Variants in SLC5A9 observed in about 807,000 individuals in gnomAD.
SLC5A9 encodes solute carrier family 5 member 9.
In SLC5A9, 59 loss-of-function variants were observed where a neutral mutation model predicts 70.9. The ratio of observed to expected loss-of-function variants is 0.83; its 90% CI spans 0.68 to 1.03. The LOEUF (loss-of-function observed/expected upper bound fraction) is 1.03. Ranked by LOEUF, SLC5A9 falls within the 50% of genes least tolerant of loss-of-function variation. The pLI, the probability that SLC5A9 is intolerant of heterozygous loss-of-function variation, is 0.00. For synonymous variants in SLC5A9, 340 were observed against 346.5 expected (o/e 0.98, Z 0.21); for missense variants, 832 against 881.1 (o/e 0.94, Z 0.71).
intron 2 of SLC5A9, among the ~76,000 whole-genome samples, chr1:48,227,513 A>G: frequency 9.4e-6 from 1 of 106,374 alleles, no homozygotes; most frequent in African/African-American, 3.7e-5. Context: ...GAGTGTGTGT[A>G]ATTGCATGAG....
At chr1:48,238,736 T>G (rs935111000) in intron 11 of SLC5A9, among the ~76,000 whole-genome samples, 1 of 152,156 alleles carries the variant, frequency 6.6e-6, no homozygotes, top group Non-Finnish European at 1.5e-5. Context: ...ATTCCAAAGT[T>G]TTTGAAATCA....
At chr1:48,245,661 A>G (rs905985376) in intron 13 of SLC5A9, among the ~76,000 whole-genome samples, 1 of 152,198 alleles carries the variant, frequency 6.6e-6, no homozygotes, top group Non-Finnish European at 1.5e-5. Context: ...TGAAAAGAAA[A>G]GTTAAAAATA....
At chr1:48,236,477 G>T (rs1199700263) in intron 10 of SLC5A9, among the ~76,000 whole-genome samples, 1 of 152,214 alleles carries the variant, frequency 6.6e-6, no homozygotes, top group South Asian at 2.1e-4. Flanking sequence ...TAAGGAATTC[G>T]AACTTTATCT....
intron 13 of SLC5A9, among the ~76,000 whole-genome samples, chr1:48,244,055 T>C (rs1181658187): frequency 6.6e-6 from 1 of 152,228 alleles, no homozygotes; most frequent in Non-Finnish European, 1.5e-5. Context: ...TGGTATGTCA[T>C]TGTTTATAAC....
Position 48,235,802 on chromosome 1 carries a change from C to T in SLC5A9, c.1215C>T (p.Ser405=). ...CACTCACCTCCATCTTCAACAGCAG[C>T]AGCACCCTGTTCACCATTGATGTGT... ...MSSLTSIFNS[S]STLFTIDVWQ... Residue 405 remains serine (S), a synonymous_variant, in exon 10 of 14, where the codon AGC becomes AGT. Coordinates refer to ENST00000438567, the MANE Select transcript of SLC5A9 (RefSeq NM_001011547.3). 2 of 1,614,240 alleles carry T rather than the reference C, an allele frequency of 1.2e-6. No homozygotes were observed. Among genetic ancestry groups the T allele is most frequent in the Non-Finnish European group, 1.7e-6 (2 of 1,180,040 alleles).
chr1:48,243,767 A>AATAT (rs1294285813), intron 13 of SLC5A9, among the ~76,000 whole-genome samples: 1 of 152,172 alleles, frequency 6.6e-6, no homozygotes, highest in Non-Finnish European at 1.5e-5. Context: ...TAAATAAATA[A>AATAT]ATAAATAAAT....
chr1:48,239,404 G>A lies in SLC5A9; in HGVS notation c.1544G>A (p.Cys515Tyr), dbSNP rs767455044. The A allele has an allele frequency of 6.2e-7, 1 of 1,614,202 alleles. No individual in the cohort carries two copies. The highest frequency in any genetic ancestry group is 8.5e-7 in the Non-Finnish European group (1 of 1,180,032). The change falls in exon 12 of 14, where the codon TGT becomes TAT. Residue 515 changes from cysteine to tyrosine, a missense_variant. Physicochemically the swap from Cys to Tyr is radical, Grantham distance 194. Coordinates refer to ENST00000438567, the MANE Select transcript of SLC5A9 (RefSeq NM_001011547.3). The surrounding 1 kb of genome is among the most constrained non-coding windows in gnomAD (Gnocchi z 4.2). ...GAGTTCTCATACCCAGCGCCAGCCTGTGGGGAGGTGGACCGGAGGCCAGCA... is the reference window on the plus strand; with the variant it reads ...GAGTTCTCATACCCAGCGCCAGCCTATGGGGAGGTGGACCGGAGGCCAGCA... Reference protein sequence around the residue: ...ILEFSYPAPACGEVDRRPAVL... With the variant: ...ILEFSYPAPAYGEVDRRPAVL...
At chr1:48,227,180 T>TGA (rs201239477) in intron 2 of SLC5A9, among the ~76,000 whole-genome samples, 61,812 of 144,264 alleles carry the variant, frequency 0.43, 14,498 homozygotes, top group East Asian at 0.65. Context: ...TGTGTGCGTG[T>TGA]GTGTGTGTAC....
Position 48,247,807 on chromosome 1 carries a change from A to G in SLC5A9, c.*264A>G. ...CTCTTTCTGATATATTGCCTTACAG[A>G]CCTACCTCAAACACACTGTTTCCAC... is the stretch of plus-strand genomic sequence containing the variant. On this transcript the variant is annotated 3_prime_UTR_variant, in exon 14 of 14. Coordinates refer to ENST00000438567, the MANE Select transcript of SLC5A9 (RefSeq NM_001011547.3). 1.9e-6 allele frequency: 1 copy of G among 527,628 alleles called. No homozygotes were observed. Among genetic ancestry groups the G allele is most frequent in the South Asian group, 2.4e-5 (1 of 42,174 alleles). 32.7% of individuals were successfully genotyped at this position (527,628 alleles called of 1,614,324 possible). A position where few individuals can be genotyped will look rare whatever the true frequency, so the allele number is the denominator to read the frequency against.
At chr1:48,229,158 G>C (rs1407594917) in intron 3 of SLC5A9, 137 bp from the exon 4 acceptor site, 2 of 1,613,942 alleles carry the variant, frequency 1.2e-6, no homozygotes, top group South Asian at 1.1e-5. Flanking sequence ...TCACACGGGA[G>C]GACTGGGGTC....
In SLC5A9 at chr1:48,235,862, G is replaced by T; in HGVS notation, c.1275G>T (p.Glu425Asp). 6.2e-7 allele frequency: 1 copy of T among 1,614,184 alleles called. No individual in the cohort carries two copies. Among genetic ancestry groups the T allele is most frequent in the Non-Finnish European group, 8.5e-7 (1 of 1,180,048 alleles). Residue 425 changes from glutamate (E) to aspartate (D), a missense_variant, in exon 10 of 14, where the codon GAG (glutamate) becomes GAT (aspartate). Glu to Asp is a conservative substitution (Grantham distance 45, BLOSUM62 2). Coordinates refer to ENST00000438567, the MANE Select transcript of SLC5A9 (RefSeq NM_001011547.3). ...QRFRRKSTEQ[E>D]LMVVGRVFVV... ...TCCGCAGGAAGTCAACAGAGCAGGAGCTGATGGTGGTGGGCAGGTGCGCCG... is the reference window on the plus strand; with the variant it reads ...TCCGCAGGAAGTCAACAGAGCAGGATCTGATGGTGGTGGGCAGGTGCGCCG...
intron 13 of SLC5A9, among the ~76,000 whole-genome samples, chr1:48,246,682 A>G (rs1421730824): frequency 6.6e-6 from 1 of 152,194 alleles, no homozygotes; most frequent in Non-Finnish European, 1.5e-5. Flanking sequence ...CATATACACC[A>G]GAACCTCTCC....
chr1:48,230,917 G>A (rs1644239286), intron 5 of SLC5A9, among the ~76,000 whole-genome samples: 4 of 152,208 alleles, frequency 2.6e-5, no homozygotes, highest in Non-Finnish European at 5.9e-5. Flanking sequence ...CACAGGGACA[G>A]AGACCAGGGG....
Position 48,239,335 on chromosome 1 carries a change from G to C in SLC5A9, c.1475G>C (p.Gly492Ala), listed in dbSNP as rs780364292. ...KRVTEPGAFW[G>A]LVFGLGVGLL... ...CCTCTCTCACAGGGAGCTTTCTGGGGCCTCGTGTTTGGCCTGGGAGTGGGG... is the reference window on the plus strand; with the variant it reads ...CCTCTCTCACAGGGAGCTTTCTGGGCCCTCGTGTTTGGCCTGGGAGTGGGG... Residue 492 changes from glycine (G) to alanine (A), a missense_variant, in exon 12 of 14, where the codon GGC (glycine) becomes GCC (alanine). By Grantham distance (60) the Gly-to-Ala change is moderately conservative (BLOSUM62 0). Transcript: ENST00000438567. The surrounding 1 kb of genome is among the most constrained non-coding windows in gnomAD (Gnocchi z 4.2). 1.2e-6 allele frequency: 2 copies of C among 1,610,698 alleles called. No individual in the cohort carries two copies. Among genetic ancestry groups the C allele is most frequent in the African/African-American group, 2.7e-5 (2 of 74,864 alleles).
At position 48,235,763 on chromosome 1, in the gene SLC5A9, C is replaced by G. The variant is rs767955561; in HGVS notation, c.1176C>G (p.Ala392=). 2 of 1,614,090 alleles carry G rather than the reference C, an allele frequency of 1.2e-6. No individual in the cohort carries two copies. The highest frequency in any genetic ancestry group is 1.7e-6 in the Non-Finnish European group (2 of 1,180,044). The change falls in exon 10 of 14, where the codon GCC becomes GCG. Residue 392 remains alanine (A), a synonymous_variant. Coordinates refer to ENST00000438567, the MANE Select transcript of SLC5A9 (RefSeq NM_001011547.3). Reference sequence around the variant, plus strand: ...GGCTGATGATTGCCGTGATCATGGCCGCTCTCATGAGCTCACTCACCTCCA... The same window carrying G: ...GGCTGATGATTGCCGTGATCATGGCGGCTCTCATGAGCTCACTCACCTCCA... The part of the protein sequence containing the change: ...LRGLMIAVIM[A]ALMSSLTSIF...
rs994781215 is a variant in SLC5A9, at chr1:48,239,271, A to G, written c.1462-51A>G. 2 of 1,379,670 alleles carry G rather than the reference A, an allele frequency of 1.4e-6. No individual in the cohort carries two copies. Among genetic ancestry groups the G allele is most frequent in the Non-Finnish European group, 2.0e-6 (2 of 990,806 alleles). 85.5% of individuals were successfully genotyped at this position (1,379,670 alleles called of 1,614,324 possible). ...GGGGAGAGAGTAGTTTTACCTTCCT[A>G]GGGTCTCCCACCTGGATCTCACCTC... On this transcript the variant is annotated intron_variant, in intron 11 of 13. Coordinates refer to ENST00000438567, the MANE Select transcript of SLC5A9 (RefSeq NM_001011547.3). This position sits in a 1 kb window ranked among gnomAD's most constrained non-coding sequence, Gnocchi z 4.2.
chr1:48,242,552 C>A lies in SLC5A9; in HGVS notation c.1773C>A (p.Ala591=), dbSNP rs147141681. ...ESTPEISERP[A]GECPAGGGAA... Reference sequence around the variant, plus strand: ...CACCGGAGATATCCGAGAGGCCAGCCGGGGAGTGCCCTGCAGGAGGTGGAG... The same window carrying A: ...CACCGGAGATATCCGAGAGGCCAGCAGGGGAGTGCCCTGCAGGAGGTGGAG... Residue 591 remains alanine (A), a synonymous_variant, in exon 13 of 14, where the codon GCC becomes GCA. Coordinates refer to ENST00000438567, the MANE Select transcript of SLC5A9 (RefSeq NM_001011547.3). The A allele has an allele frequency of 6.2e-7, 1 of 1,613,598 alleles. No individual in the cohort carries two copies. The highest frequency in any genetic ancestry group is 8.5e-7 in the Non-Finnish European group (1 of 1,179,694).
chr1:48,238,990 A>ACTT (rs1644361389), intron 11 of SLC5A9, among the ~76,000 whole-genome samples: 1 of 152,238 alleles, frequency 6.6e-6, no homozygotes, highest in Non-Finnish European at 1.5e-5. Flanking sequence ...CTGTTAATTA[A>ACTT]CTTAGTACTG....
chr1:48,245,096 T>A (rs1195018221), intron 13 of SLC5A9, among the ~76,000 whole-genome samples: 1 of 148,296 alleles, frequency 6.7e-6, no homozygotes, highest in Non-Finnish European at 1.5e-5. Flanking sequence ...TATATATATA[T>A]AAAACTGCTC....
Sources: allele counts gnomAD v4.1 joint callset (sites outside exome capture counted in the v4.1 genomes callset), GRCh38; gene constraint gnomAD v4.1.1; non-coding constraint Gnocchi (gnomAD v3.1); transcripts MANE v1.5; gene names NCBI Gene and HGNC (gene_info 2026-07-23, HGNC 2026-07-21).